SCN8A: variants seen among roughly 807,000 people sequenced by gnomAD.
SCN8A encodes sodium voltage-gated channel alpha subunit 8, also known as sodium channel protein type 8 subunit alpha.
A neutral mutation model predicts 184.1 loss-of-function variants in SCN8A; 30 were observed. The observed-to-expected ratio is 0.16, with a 90% CI of 0.12 to 0.22. SCN8A has a LOEUF of 0.22. SCN8A is among the 10% of genes least tolerant of loss of function. The probability of loss-of-function intolerance (pLI) is 1.00; values close to 1 mark genes in which losing one functional copy is unlikely to be tolerated. For missense variants in SCN8A, 1,057 were observed against 2,498.9 expected (o/e 0.42, Z 12.30); for synonymous variants, 852 against 907.0 (o/e 0.94, Z 1.09).
chr12:51,714,310 A>G (rs1941930531), intron 11 of SCN8A, among the ~76,000 whole-genome samples: 1 of 152,224 alleles, frequency 6.6e-6, no homozygotes. Context: ...ATTTTGTGCC[A>G]TAGATCTTTA....
rs180844513 is a variant in SCN8A at position 51,659,716 on chromosome 12, C to T, written c.-54-3048C>T. Among the ~76,000 whole-genome samples, 103 of 152,160 alleles carry T rather than the reference C, an allele frequency of 6.8e-4. 1 individual carries two copies. Among genetic ancestry groups the T allele is most frequent in the African/African-American group, 2.4e-3 (100 of 41,518 alleles). The stretch of plus-strand genomic sequence containing the variant: ...GGCTGGTCCACTAGTGGGGAGACTA[C>T]TGCAGTAGGACCTGAATTAGGGCAA... On this transcript the variant is annotated intron_variant, in intron 1 of 26. Transcript: ENST00000627620.
intron 11 of SCN8A, among the ~76,000 whole-genome samples, chr12:51,716,436 G>C (rs542770960): frequency 1.3e-5 from 2 of 152,170 alleles, no homozygotes; most frequent in African/African-American, 4.8e-5. Context: ...AGTTAGTAGA[G>C]GAAGAAGCAG....
rs77800815 is a variant in SCN8A, at chr12:51,661,517, T to C, written c.-54-1247T>C. Among the ~76,000 whole-genome samples, 610 of 152,258 alleles carry C rather than the reference T, an allele frequency of 4.0e-3. 2 individuals carry two copies. The highest frequency in any genetic ancestry group is 0.014 in the African/African-American group (592 of 41,534). ...TCTTGGGTATCTCATTCCCAACTTA[T>C]TTAGAGTTAACTCTACTACTGTTCT... is the stretch of plus-strand genomic sequence containing the variant. On this transcript the variant is annotated intron_variant, in intron 1 of 26. Coordinates refer to ENST00000627620, the MANE Select transcript of SCN8A (RefSeq NM_001330260.2).
chr12:51,622,525 T>G (rs1353202305), intron 1 of SCN8A, among the ~76,000 whole-genome samples: 1 of 152,184 alleles, frequency 6.6e-6, no homozygotes, highest in African/African-American at 2.4e-5. Flanking sequence ...CCCCTCAATT[T>G]AGGTTTGTAT....
intron 12 of SCN8A, among the ~76,000 whole-genome samples, chr12:51,735,679 TTG>T (rs2138808991): frequency 6.6e-6 from 1 of 152,302 alleles, no homozygotes; most frequent in Admixed American, 6.5e-5. Context: ...GTGGCTGTGG[TTG>T]ACGGGTGTTG....
At chr12:51,729,394 G>A (rs1295522923) in intron 12 of SCN8A, among the ~76,000 whole-genome samples, 2 of 151,918 alleles carry the variant, frequency 1.3e-5, no homozygotes, top group African/African-American at 4.8e-5. Flanking sequence ...AGATAGATTT[G>A]TTTTCTTTTG....
intron 1 of SCN8A, among the ~76,000 whole-genome samples, chr12:51,651,220 TTTTGGGGCCAGTTTATGGCCAGA>T (rs1442900775): frequency 2.4e-4 from 37 of 152,106 alleles, no homozygotes; most frequent in African/African-American, 8.2e-4. Flanking sequence ...TTATGGCCAG[TTTTGGGGCCAGTTTATGGCCAGA>T]TTTTGGGGGG....
intron 13 of SCN8A, among the ~76,000 whole-genome samples, chr12:51,748,358 A>G (rs535994317): frequency 6.6e-5 from 10 of 152,204 alleles, no homozygotes; most frequent in Non-Finnish European, 1.2e-4. Flanking sequence ...CCTGTCAATA[A>G]TTAGAAAACC....
chr12:51,691,677 A>C (rs1941511249), intron 6 of SCN8A, among the ~76,000 whole-genome samples: 1 of 152,164 alleles, frequency 6.6e-6, no homozygotes, highest in Non-Finnish European at 1.5e-5. Context: ...GGGGTGGAAA[A>C]TAACATTAAG....
intron 26 of SCN8A, 121 bp downstream of exon 26, chr12:51,794,762 T>C (rs1938362468): frequency 2.1e-6 from 2 of 969,964 alleles, no homozygotes; most frequent in Non-Finnish European, 3.0e-6. Context: ...CCCTCATAGC[T>C]TAAGTCCATG....
chr12:51,746,977 G>T (rs1942520533), intron 13 of SCN8A, among the ~76,000 whole-genome samples: 2 of 152,122 alleles, frequency 1.3e-5, no homozygotes, highest in Non-Finnish European at 2.9e-5. Flanking sequence ...GAATGCAGAT[G>T]CCTGGAATAA....
intron 2 of SCN8A, among the ~76,000 whole-genome samples, chr12:51,673,705 T>C (rs1346252633): frequency 2.6e-5 from 4 of 152,222 alleles, no homozygotes; most frequent in Non-Finnish European, 1.5e-5. Flanking sequence ...GTACTGTGCT[T>C]GCTAAGCTGA....
intron 2 of SCN8A, 130 bp from the exon 3 acceptor site, chr12:51,684,044 A>G (rs761157000): frequency 2.9e-6 from 2 of 688,950 alleles, no homozygotes; most frequent in Non-Finnish European, 5.3e-6. Flanking sequence ...TTGCTTGTTT[A>G]AAAACCAAGT....
At chr12:51,784,176 A>G (rs1055611112) in intron 21 of SCN8A, among the ~76,000 whole-genome samples, 4 of 152,244 alleles carry the variant, frequency 2.6e-5, no homozygotes, top group Non-Finnish European at 5.9e-5. Flanking sequence ...ATCATTACAT[A>G]TGGAGCACAG....
intron 2 of SCN8A, among the ~76,000 whole-genome samples, chr12:51,678,243 G>A (rs996672282): frequency 6.6e-6 from 1 of 152,212 alleles, no homozygotes; most frequent in Non-Finnish European, 1.5e-5. Context: ...AGATAGTGCA[G>A]GGAAAAGCAT....
At chr12:51,794,815 T>C (rs1019381614) in intron 26 of SCN8A, among the ~76,000 whole-genome samples, 174 bp downstream of exon 26, 7 of 151,512 alleles carry the variant, frequency 4.6e-5, no homozygotes, top group Non-Finnish European at 1.0e-4. Flanking sequence ...GCAGGTTCCA[T>C]GGTCAGTGAG....
chr12:51,762,780 A>G, intron 15 of SCN8A, 104 bp downstream of exon 15: 2 of 1,043,548 alleles, frequency 1.9e-6, no homozygotes, highest in Non-Finnish European at 2.6e-6. Flanking sequence ...TATTAGCTGT[A>G]TTTTACTCCC....
chr12:51,702,215 G>A (rs905963944), intron 8 of SCN8A, among the ~76,000 whole-genome samples: 1 of 151,472 alleles, frequency 6.6e-6, no homozygotes, highest in African/African-American at 2.4e-5. Context: ...CCAGCTACTC[G>A]GGAGGCTGAG....
intron 13 of SCN8A, among the ~76,000 whole-genome samples, chr12:51,746,533 A>G (rs988910049): frequency 1.3e-5 from 2 of 152,186 alleles, no homozygotes; most frequent in African/African-American, 4.8e-5. Flanking sequence ...TCTCTCTTCA[A>G]ACACCCCCAC....
Sources: gnomAD v4.1 joint callset for allele counts (sites outside exome capture counted in the v4.1 genomes callset) on GRCh38, gnomAD v4.1.1 for gene constraint, MANE v1.5 for transcripts, NCBI Gene and HGNC (gene_info 2026-07-23, HGNC 2026-07-21) for gene names.